Variants in DGKB observed in about 807,000 individuals in gnomAD.
The protein encoded by DGKB is diacylglycerol kinase beta.
In DGKB, 67 loss-of-function variants were observed where a neutral mutation model predicts 114.3. The ratio of observed to expected loss-of-function variants is 0.59; its 90% CI spans 0.48 to 0.72. The LOEUF (loss-of-function observed/expected upper bound fraction) is 0.72. Ranked by LOEUF, DGKB falls within the 30% of genes least tolerant of loss-of-function variation. DGKB has a pLI of 0.00. For synonymous variants in DGKB, 398 were observed against 323.1 expected (o/e 1.23, Z -2.49); for missense variants, 907 against 975.2 (o/e 0.93, Z 0.93).
chr7:14,567,977 TTTAA>T (rs1024407347), intron 20 of DGKB, among the ~76,000 whole-genome samples: 1 of 152,200 alleles, frequency 6.6e-6, no homozygotes, highest in African/African-American at 2.4e-5. Context: ...AGTTTTTTTG[TTTAA>T]TTAAACAAGT....
chr7:14,242,508 T>G (rs1793828435), intron 23 of DGKB, among the ~76,000 whole-genome samples: 1 of 152,200 alleles, frequency 6.6e-6, no homozygotes, highest in Non-Finnish European at 1.5e-5. Flanking sequence ...CTGTGAGACC[T>G]GCTTCTCTTA....
chr7:14,420,686 G>T (rs953809693), intron 21 of DGKB, among the ~76,000 whole-genome samples: 5 of 152,060 alleles, frequency 3.3e-5, no homozygotes, highest in Non-Finnish European at 7.4e-5. Context: ...ACTGCATGAA[G>T]TTTCATTTAC....
At chr7:14,526,305 G>T (rs1386548157) in intron 20 of DGKB, among the ~76,000 whole-genome samples, 1 of 151,980 alleles carries the variant, frequency 6.6e-6, no homozygotes, top group African/African-American at 2.4e-5. Flanking sequence ...CAATATCCCT[G>T]GTCTGTACTC....
intron 21 of DGKB, among the ~76,000 whole-genome samples, chr7:14,415,477 G>T (rs1825568708): frequency 6.7e-6 from 1 of 150,138 alleles, no homozygotes; most frequent in Admixed American, 6.7e-5. Context: ...GTGTCCATGT[G>T]TTCTCATTGT....
intron 1 of DGKB, among the ~76,000 whole-genome samples, chr7:14,842,024 T>A (rs573288327): frequency 1.3e-5 from 2 of 152,318 alleles, no homozygotes; most frequent in Non-Finnish European, 2.9e-5. Flanking sequence ...TTAAAATAAA[T>A]CTCTAGGTTG....
rs1563917675 is a variant in DGKB at position 14,689,210 on chromosome 7, T to TTTTTTTTTA, written c.712-3849_712-3848insTAAAAAAAA. 3.2e-4 allele frequency among the ~76,000 whole-genome samples: 41 copies of TTTTTTTTTA among 127,446 alleles called. 1 individual carries two copies. The East Asian group carries it at 4.5e-3, about 14-fold the overall frequency. The allele number at this position is 127,446 out of a possible 152,430, so 83.6% of individuals were successfully genotyped here. On this transcript the variant is annotated intron_variant, in intron 9 of 25. Transcript: ENST00000402815. Reference sequence around the variant, plus strand: ...CAGAAACTCCTCTTATTTTTTTTTTTTTTTTTTTTTTTTTGAGAGGAGTCT... The same window carrying TTTTTTTTTA: ...CAGAAACTCCTCTTATTTTTTTTTTTTTTTTTTTATTTTTTTTTTTTTTGAGAGGAGTCT...
intron 21 of DGKB, among the ~76,000 whole-genome samples, chr7:14,379,896 A>ATTCACT: frequency 1.5e-5 from 2 of 130,168 alleles, no homozygotes; most frequent in African/African-American, 2.7e-5. Flanking sequence ...CCTCTCCCAA[A>ATTCACT]GTGTTGGGAT....
chr7:14,253,306 A>G (rs879699038), intron 23 of DGKB, among the ~76,000 whole-genome samples: 8 of 152,130 alleles, frequency 5.3e-5, no homozygotes, highest in Non-Finnish European at 1.2e-4. Flanking sequence ...TGCTGGGATT[A>G]TAGGCATGAG....
intron 2 of DGKB, among the ~76,000 whole-genome samples, chr7:14,831,170 G>A (rs1033964728): frequency 3.3e-5 from 5 of 151,802 alleles, no homozygotes; most frequent in Non-Finnish European, 7.4e-5. Context: ...AAAAATAAAC[G>A]GTGAGAGACC....
chr7:14,639,991 A>G (rs1458109354), intron 13 of DGKB, among the ~76,000 whole-genome samples: 2 of 152,222 alleles, frequency 1.3e-5, no homozygotes, highest in African/African-American at 4.8e-5. Context: ...CTGCACAAAC[A>G]TACTTATGGT....
At chr7:14,352,302 T>C (rs17718479) in intron 21 of DGKB, among the ~76,000 whole-genome samples, 41,372 of 152,084 alleles carry the variant, frequency 0.27, 6,736 homozygotes, top group Middle Eastern at 0.41. Context: ...AATATTTTAG[T>C]TTTTAATCAT....
Position 14,960,209 on chromosome 7 carries a change from G to A in DGKB, c.-188+14487C>T, listed in dbSNP as rs558161326. Among the ~76,000 whole-genome samples, 4 of 152,114 alleles carry A rather than the reference G, an allele frequency of 2.6e-5. No individual in the cohort carries two copies. In the East Asian group the frequency reaches 7.8e-4, roughly 30 times the overall value. ...TGTGAAACATAAGAATCAAGCGTGAGGTGTGACGAATGCGTTTAGTTTACT... is the reference window on the plus strand; with the variant it reads ...TGTGAAACATAAGAATCAAGCGTGAAGTGTGACGAATGCGTTTAGTTTACT... On this transcript the variant is annotated intron_variant, in intron 1 of 4. Coordinates refer to the DGKB transcript ENST00000437998.
chr7:14,192,700 C>T (rs1784475868), intron 23 of DGKB, among the ~76,000 whole-genome samples: 1 of 152,056 alleles, frequency 6.6e-6, no homozygotes, highest in South Asian at 2.1e-4. Flanking sequence ...AAGTGCATTA[C>T]ATTTATTGTG....
chr7:14,845,865 C>T (rs1586877854), intron 1 of DGKB, among the ~76,000 whole-genome samples: 1 of 149,980 alleles, frequency 6.7e-6, no homozygotes, highest in African/African-American at 2.5e-5. Context: ...AGGTACAAAG[C>T]TTTTACAGTT....
Position 14,229,470 on chromosome 7 carries a change from A to C in DGKB, c.2123-51319T>G, listed in dbSNP as rs139999273. Among the ~76,000 whole-genome samples the C allele has an allele frequency of 9.6e-3, 1,466 of 152,112 alleles. 26 individuals carry two copies. The highest frequency in any genetic ancestry group is 0.034 in the African/African-American group (1,410 of 41,538). ...AAGTACAGTAAGAATACGGTATTATAATCATATGGGTCTAGAGTTGTATAT... is the reference window on the plus strand; with the variant it reads ...AAGTACAGTAAGAATACGGTATTATCATCATATGGGTCTAGAGTTGTATAT... On this transcript the variant is annotated intron_variant, in intron 23 of 25. Transcript: ENST00000402815.
chr7:14,821,202 AC>A (rs1562625117), intron 2 of DGKB, among the ~76,000 whole-genome samples: 3 of 152,158 alleles, frequency 2.0e-5, no homozygotes, highest in Non-Finnish European at 4.4e-5. Flanking sequence ...ATATATGAAG[AC>A]TATAGCTATT....
intron 20 of DGKB, among the ~76,000 whole-genome samples, chr7:14,541,839 G>T (rs991087084): frequency 6.6e-6 from 1 of 152,144 alleles, no homozygotes; most frequent in Non-Finnish European, 1.5e-5. Context: ...TTTTAATAGA[G>T]ATTTCAATTT....
chr7:14,549,597 G>A (rs957976530), intron 20 of DGKB, among the ~76,000 whole-genome samples: 4 of 152,160 alleles, frequency 2.6e-5, no homozygotes, highest in South Asian at 2.1e-4. Context: ...TTTGTTGAGC[G>A]ATAAAGAGAA....
intron 23 of DGKB, among the ~76,000 whole-genome samples, chr7:14,185,934 A>C (rs1278923824): frequency 6.6e-6 from 1 of 152,238 alleles, no homozygotes; most frequent in Non-Finnish European, 1.5e-5. Context: ...AACATTGGAA[A>C]AACTCTCCTA....
Sources: gnomAD v4.1 joint callset for allele counts (sites outside exome capture counted in the v4.1 genomes callset) on GRCh38, gnomAD v4.1.1 for gene constraint, MANE v1.5 for transcripts, NCBI Gene and HGNC (gene_info 2026-07-23, HGNC 2026-07-21) for gene names.